Variants in CFAP74 observed in about 807,000 individuals in gnomAD.
CFAP74 encodes cilia and flagella associated protein 74.
CFAP74 carries 124 observed loss-of-function variants against 188.9 expected under a neutral mutation model. The ratio of observed to expected loss-of-function variants is 0.66; its 90% confidence interval spans 0.57 to 0.76. CFAP74 has a LOEUF of 0.76. Ranked by LOEUF, CFAP74 falls within the 30% of genes least tolerant of loss-of-function variation. CFAP74 has a pLI of 0.00. For missense variants in CFAP74, 2,198 were observed against 2,165.2 expected (o/e 1.02, Z -0.30); for synonymous variants, 956 against 916.7 (o/e 1.04, Z -0.77).
At chr1:1,930,425 G>GC in intron 25 of CFAP74, 89 bp from the exon 26 acceptor site, 1 of 1,306,424 alleles carries the variant, frequency 7.7e-7, no homozygotes, top group Non-Finnish European at 1.0e-6. Context: ...TGGAGGACAA[G>GC]CCCCGGGGGG....
chr1:1,979,193 G>A (rs1289696570), intron 6 of CFAP74, among the ~76,000 whole-genome samples: 10 of 73,850 alleles, frequency 1.4e-4, no homozygotes, highest in South Asian at 5.7e-4. Flanking sequence ...CGTGTGTCGT[G>A]CTGAGCTGGG....
chr1:1,935,867 TACACACAC>T (rs35582265), intron 25 of CFAP74, among the ~76,000 whole-genome samples: 1 of 147,802 alleles, frequency 6.8e-6, no homozygotes, highest in Non-Finnish European at 1.5e-5. Flanking sequence ...TTTTCAGCAC[TACACACAC>T]ACACACACAC....
At position 1,974,033 on chromosome 1, in the gene CFAP74, C is replaced by T; in HGVS notation, c.666G>A (p.Leu222=). Residue 222 remains leucine, a synonymous_variant, in exon 7 of 39, where the codon CTG becomes CTA. Coordinates refer to ENST00000682832, the MANE Select transcript of CFAP74 (RefSeq NM_001304360.2). ...GCCTGGGTGTCGCCTACCTGATCCT[C>T]AGCAGTCGGTTCCGCTCCACCTTCC... ...ALGKVERNRL[L]RIRKSLNTQK... 1.9e-6 allele frequency: 3 copies of T among 1,574,938 alleles called. No homozygotes were observed. In the South Asian group the frequency reaches 3.4e-5, roughly 18 times the overall value.
In CFAP74 at chr1:1,964,877, T is replaced by G. The variant is rs1329417735; in HGVS notation, c.1575+11A>C. The G allele has an allele frequency of 6.2e-7, 1 of 1,613,458 alleles. No homozygotes were observed. Among genetic ancestry groups the G allele is most frequent in the Admixed American group, 1.7e-5 (1 of 59,998 alleles). On this transcript the variant is annotated intron_variant, in intron 13 of 38. Coordinates refer to ENST00000682832, the MANE Select transcript of CFAP74 (RefSeq NM_001304360.2). ...CTGCCCGTCCCGTTCCTGGCCCAGC[T>G]GCGGGCTCACCTGGAAGTGGAGGAG... is the stretch of plus-strand genomic sequence containing the variant.
At position 1,922,131 on chromosome 1, in the gene CFAP74, A is replaced by G; in HGVS notation, c.*156T>C. ...TCCCTGGGCTTGCGGGGTCCAGGGC[A>G]GCAGGAAGTGGCCGTGGCGCCATGT... On this transcript the variant is annotated 3_prime_UTR_variant, in exon 39 of 39. Coordinates refer to ENST00000682832, the MANE Select transcript of CFAP74 (RefSeq NM_001304360.2). The G allele has an allele frequency of 1.7e-6, 1 of 605,102 alleles. No homozygotes were observed. Among genetic ancestry groups the G allele is most frequent in the Non-Finnish European group, 2.9e-6 (1 of 343,544 alleles). 37.5% of individuals were successfully genotyped at this position (605,102 alleles called of 1,614,324 possible).
intron 18 of CFAP74, among the ~76,000 whole-genome samples, chr1:1,952,664 T>A (rs924934470): frequency 7.9e-6 from 1 of 126,370 alleles, no homozygotes; most frequent in Admixed American, 7.2e-5. Flanking sequence ...CAAGACTCAA[T>A]TTTTTTTTTT....
chr1:1,922,195 G>T lies in CFAP74; in HGVS notation c.*92C>A. ...TTGGAATCTGGCAGAGGATGGCCAG[G>T]TCCCAGGCTCTAGGGTAGTATGACC... On this transcript the variant is annotated 3_prime_UTR_variant, in exon 39 of 39. Transcript: ENST00000682832. 1 of 945,616 alleles carries T rather than the reference G, an allele frequency of 1.1e-6. No homozygotes were observed. Among genetic ancestry groups the T allele is most frequent in the Non-Finnish European group, 1.6e-6 (1 of 609,576 alleles). The allele number at this position is 945,616 out of a possible 1,614,324, so 58.6% of individuals were successfully genotyped here. A position where few individuals can be genotyped will look rare whatever the true frequency, so the allele number is the denominator to read the frequency against.
Position 1,963,898 on chromosome 1 carries a change from C to T in CFAP74, c.1576-31G>A, listed in dbSNP as rs369929738. 79 of 1,454,772 alleles carry T rather than the reference C, an allele frequency of 5.4e-5. No homozygotes were observed. In the African/African-American group the frequency reaches 9.2e-4, roughly 17 times the overall value. The allele number at this position is 1,454,772 out of a possible 1,614,324, so 90.1% of individuals were successfully genotyped here. A position where few individuals can be genotyped will look rare whatever the true frequency, so the allele number is the denominator to read the frequency against. On this transcript the variant is annotated intron_variant, in intron 13 of 38. Transcript: ENST00000682832. ...AAAGGCCGAGGTAGCAGCTTCAGAG[C>T]GGGTCACAGGGGGCTGTGCTGTGAG... is the stretch of plus-strand genomic sequence containing the variant.
intron 1 of CFAP74, among the ~76,000 whole-genome samples, chr1:1,993,940 C>T (rs1429155812): frequency 6.6e-6 from 1 of 150,966 alleles, no homozygotes; most frequent in Non-Finnish European, 1.5e-5. Context: ...CGAGATCACA[C>T]CACTGCACTC....
intron 2 of CFAP74, among the ~76,000 whole-genome samples, chr1:1,990,026 T>G (rs202108593): frequency 4.6e-4 from 67 of 145,168 alleles, no homozygotes; most frequent in East Asian, 4.0e-3. Context: ...AACAGACAGC[T>G]CTAAGACTCC....
At chr1:1,954,905 A>AG in intron 18 of CFAP74, 2 of 851,150 alleles carry the variant, frequency 2.3e-6, no homozygotes, top group East Asian at 1.0e-4. Context: ...GCAGTGCAGA[A>AG]CGGCCTTCGC....
intron 4 of CFAP74, 38 bp from the exon 5 acceptor site, chr1:1,987,073 G>A (rs1657288067): frequency 9.8e-6 from 15 of 1,537,236 alleles, no homozygotes; most frequent in Non-Finnish European, 1.2e-5. Context: ...ATGGTTCCCT[G>A]AAACTCCAGC....
chr1:1,959,417 C>T (rs552140291), intron 15 of CFAP74, among the ~76,000 whole-genome samples: 13 of 149,802 alleles, frequency 8.7e-5, no homozygotes, highest in Middle Eastern at 3.4e-3. Flanking sequence ...TACAGGCATG[C>T]GCCACCATAT....
At chr1:1,989,570 C>T (rs1657454049) in intron 2 of CFAP74, among the ~76,000 whole-genome samples, 1 of 152,192 alleles carries the variant, frequency 6.6e-6, no homozygotes, top group African/African-American at 2.4e-5. Context: ...AAGGGATCCT[C>T]CCACCTCAGC....
At chr1:1,940,617 G>A (rs1381865407) in intron 22 of CFAP74, among the ~76,000 whole-genome samples, 2 of 152,188 alleles carry the variant, frequency 1.3e-5, no homozygotes, top group Admixed American at 1.3e-4. Context: ...GCGTGTCTAA[G>A]TAGCCAGTCA....
In CFAP74 at chr1:1,940,321, C is replaced by T. The variant is rs757980927; in HGVS notation, c.2698G>A (p.Asp900Asn). ...LEAPMTIWVA[D>N]QNKPVGFTVH... is the part of the protein sequence containing the mutation. ...GGAAGTGCCCCAACACAGACCTGGTCGGCAACCCATATGGTCATCGGGGCC... is the reference window on the plus strand; with the variant it reads ...GGAAGTGCCCCAACACAGACCTGGTTGGCAACCCATATGGTCATCGGGGCC... Residue 900 changes from aspartate to asparagine, a missense_variant, in exon 23 of 39, where the codon GAC becomes AAC. Transcript: ENST00000682832. The T allele has an allele frequency of 2.0e-5, 30 of 1,535,404 alleles. No individual in the cohort carries two copies. The highest frequency in any genetic ancestry group is 2.4e-5 in the South Asian group (2 of 84,014).
At chr1:1,994,698 C>T (rs370295692) in intron 1 of CFAP74, among the ~76,000 whole-genome samples, 39 of 152,336 alleles carry the variant, frequency 2.6e-4, no homozygotes, top group African/African-American at 7.9e-4. Flanking sequence ...TGTCAGTCTT[C>T]TAAAAGGTGT....
intron 1 of CFAP74, among the ~76,000 whole-genome samples, chr1:2,000,372 A>G (rs1173654950): frequency 2.0e-5 from 3 of 152,198 alleles, no homozygotes; most frequent in South Asian, 2.1e-4. Context: ...GGACCAGGAC[A>G]TGGGTTTTTT....
intron 18 of CFAP74, among the ~76,000 whole-genome samples, chr1:1,949,920 C>T (rs370434463): frequency 2.0e-5 from 3 of 152,190 alleles, no homozygotes; most frequent in Admixed American, 6.5e-5. Context: ...CCACTCCCCA[C>T]GCGTGGGACA....
Sources: gnomAD v4.1 joint callset for allele counts (sites outside exome capture counted in the v4.1 genomes callset) on GRCh38, gnomAD v4.1.1 for gene constraint, MANE v1.5 for transcripts, NCBI Gene and HGNC (gene_info 2026-07-23, HGNC 2026-07-21) for gene names.